Variants in DOP1B observed in about 807,000 individuals in gnomAD.
The protein encoded by DOP1B is protein DOP1B.
Under a neutral mutation model 233.5 loss-of-function variants are expected in DOP1B, and 174 were observed. The observed-to-expected ratio is 0.75, with a 90% CI of 0.66 to 0.85. The LOEUF (loss-of-function observed/expected upper bound fraction) is 0.85, where lower values mean the gene tolerates loss of function less well. DOP1B is among the 40% of genes least tolerant of loss of function. The pLI, the probability that DOP1B is intolerant of heterozygous loss-of-function variation, is 0.00. For synonymous variants in DOP1B, 1,190 were observed against 1,185.6 expected (o/e 1.00, Z -0.08); for missense variants, 2,652 against 2,846.6 (o/e 0.93, Z 1.56).
Position 36,293,905 on chromosome 21 carries a change from C to T in DOP1B, c.*334C>T, listed in dbSNP as rs149320147. 1.4e-3 allele frequency: 351 copies of T among 255,848 alleles called. No individual in the cohort carries two copies. Among genetic ancestry groups the T allele is most frequent in the African/African-American group, 7.4e-3 (333 of 44,730 alleles). 15.8% of individuals were successfully genotyped at this position (255,848 alleles called of 1,614,324 possible). A position where few individuals can be genotyped will look rare whatever the true frequency, so the allele number is the denominator to read the frequency against. On this transcript the variant is annotated 3_prime_UTR_variant, in exon 37 of 37. Coordinates refer to ENST00000691173, the MANE Select transcript of DOP1B (RefSeq NM_001320714.2). ...GCTAAGGCATGAGAATTGCTTGAAC[C>T]CAGGAGGTGGAGGCTGCAGTGAGCC...
chr21:36,283,467 TAC>T (rs2067442390), intron 32 of DOP1B, among the ~76,000 whole-genome samples: 2 of 152,222 alleles, frequency 1.3e-5, no homozygotes, highest in Admixed American at 1.3e-4. Context: ...AAAACACCTT[TAC>T]ACTTTAACTG....
intron 27 of DOP1B, among the ~76,000 whole-genome samples, chr21:36,273,907 C>G (rs910774898): frequency 6.6e-6 from 1 of 152,008 alleles, no homozygotes; most frequent in Non-Finnish European, 1.5e-5. Context: ...AACCCCGTCT[C>G]TACTAAAAAT....
In DOP1B at chr21:36,293,670, A is replaced by G; in HGVS notation, c.*99A>G. 1 of 1,363,790 alleles carries G rather than the reference A, an allele frequency of 7.3e-7. No homozygotes were observed. The highest frequency in any genetic ancestry group is 2.0e-5 in the Admixed American group (1 of 50,520). The allele number at this position is 1,363,790 out of a possible 1,614,324, so 84.5% of individuals were successfully genotyped here. Reference sequence around the variant, plus strand: ...AGAAGGCAGGATAGTGCTTTTGAACAAGCCTATTTCCATTTTGAAAGTAGA... The same window carrying G: ...AGAAGGCAGGATAGTGCTTTTGAACGAGCCTATTTCCATTTTGAAAGTAGA... On this transcript the variant is annotated 3_prime_UTR_variant, in exon 37 of 37. Transcript: ENST00000691173.
intron 2 of DOP1B, among the ~76,000 whole-genome samples, chr21:36,193,144 C>T (rs1171165906): frequency 6.6e-6 from 1 of 152,212 alleles, no homozygotes; most frequent in East Asian, 1.9e-4. Context: ...TAAGTAATAT[C>T]TTTTCCTCAT....
Position 36,222,910 on chromosome 21 carries a change from A to G in DOP1B, c.1251-321A>G, listed in dbSNP as rs1360840363. 3.3e-5 allele frequency among the ~76,000 whole-genome samples: 5 copies of G among 151,826 alleles called. No individual in the cohort carries two copies. In the East Asian group the frequency reaches 7.8e-4, roughly 24 times the overall value. ...GCCATCATGCCCTGCTAATTTTTGT[A>G]TTTTTGTAGAGACAGGGTTTCACCA... On this transcript the variant is annotated intron_variant, in intron 10 of 36. Transcript: ENST00000691173.
chr21:36,208,406 C>T (rs981554989), intron 4 of DOP1B, among the ~76,000 whole-genome samples: 5 of 152,202 alleles, frequency 3.3e-5, no homozygotes, highest in Non-Finnish European at 7.3e-5. Flanking sequence ...CCTAGGCATC[C>T]GTGGCACGGC....
chr21:36,246,551 C>T lies in DOP1B; in HGVS notation c.4571C>T (p.Thr1524Met), dbSNP rs143442760. 11 of 1,614,064 alleles carry T rather than the reference C, an allele frequency of 6.8e-6. No homozygotes were observed. The highest frequency in any genetic ancestry group is 1.6e-4 in the Middle Eastern group (1 of 6,084). Residue 1524 changes from threonine (T) to methionine (M), a missense_variant, in exon 19 of 37, where the codon ACG becomes ATG. Physicochemically the swap from Thr to Met is moderately conservative, Grantham distance 81. Around this residue, in one of 3 missense-constraint regions of DOP1B, gnomAD observed 2,617 missense variants for 2,794.3 expected, o/e 0.94. Coordinates refer to ENST00000691173, the MANE Select transcript of DOP1B (RefSeq NM_001320714.2). The surrounding 1 kb of genome is among the most constrained non-coding windows in gnomAD (Gnocchi z 5.1). Reference protein sequence around the residue: ...GMHPAWVSLVTHSLPYFGKSL... With the variant: ...GMHPAWVSLVMHSLPYFGKSL... ...CATCCGGCCTGGGTGAGCTTGGTCA[C>T]GCATTCCTTGCCCTACTTCGGAAAG...
At position 36,281,575 on chromosome 21, in the gene DOP1B, C is replaced by T. The variant is rs1168903696; in HGVS notation, c.6124C>T (p.Leu2042Phe). The stretch of plus-strand genomic sequence containing the variant: ...GGCTTTTGCTGTCTTCAGTGGAGAA[C>T]TTGATCAATACCACCTTTACCTTCC... ...RQAFAVFSGE[L>F]DQYHLYLPLI... The change falls in exon 32 of 37, where the codon CTT becomes TTT. Residue 2042 changes from leucine to phenylalanine, a missense_variant. By Grantham distance (22) the Leu-to-Phe change is conservative. Transcript: ENST00000691173. 2 of 1,608,002 alleles carry T rather than the reference C, an allele frequency of 1.2e-6. No individual in the cohort carries two copies. The highest frequency in any genetic ancestry group is 2.2e-5 in the South Asian group (2 of 90,796).
Position 36,246,636 on chromosome 21 carries a change from G to T in DOP1B, c.4656G>T (p.Leu1552Phe). The change falls in exon 19 of 37, where the codon TTG becomes TTT. Residue 1552 changes from leucine (L) to phenylalanine (F), a missense_variant. Physicochemically the swap from Leu to Phe is conservative, Grantham distance 22 (BLOSUM62 0). Around this residue, in one of 3 missense-constraint regions of DOP1B, gnomAD observed 2,617 missense variants for 2,794.3 expected, o/e 0.94. Coordinates refer to ENST00000691173, the MANE Select transcript of DOP1B (RefSeq NM_001320714.2). This position sits in a 1 kb window ranked among gnomAD's most constrained non-coding sequence, Gnocchi z 5.1. ...AGATTTGCAAAAACTTGGATGACTTGGTCAAGCAGTATGAAAGCGAATCTG... is the reference window on the plus strand; with the variant it reads ...AGATTTGCAAAAACTTGGATGACTTTGTCAAGCAGTATGAAAGCGAATCTG... Reference protein sequence around the residue: ...VVQICKNLDDLVKQYESESVK... With the variant: ...VVQICKNLDDFVKQYESESVK... 1 of 1,613,968 alleles carries T rather than the reference G, an allele frequency of 6.2e-7. No individual in the cohort carries two copies. Among genetic ancestry groups the T allele is most frequent in the South Asian group, 1.1e-5 (1 of 91,080 alleles).
intron 26 of DOP1B, 73 bp from the exon 27 acceptor site, chr21:36,269,940 C>T (rs2067268406): frequency 6.7e-7 from 1 of 1,487,714 alleles, no homozygotes; most frequent in African/African-American, 1.4e-5. Flanking sequence ...TTCTACTGGA[C>T]AGTGCTGTTT....
chr21:36,250,390 T>C (rs934289770), intron 21 of DOP1B, among the ~76,000 whole-genome samples: 1 of 152,108 alleles, frequency 6.6e-6, no homozygotes, highest in African/African-American at 2.4e-5. Context: ...AGGCAGACAT[T>C]AACTGGCAGT....
intron 12 of DOP1B, among the ~76,000 whole-genome samples, chr21:36,226,296 C>CT (rs80233063): frequency 1.0e-3 from 141 of 137,622 alleles, no homozygotes; most frequent in Non-Finnish European, 1.1e-3. Context: ...CTCTCTCTCT[C>CT]TTTTTTTTTT....
intron 2 of DOP1B, among the ~76,000 whole-genome samples, chr21:36,176,028 G>A (rs943400575): frequency 2.6e-4 from 40 of 151,530 alleles, no homozygotes; most frequent in East Asian, 1.5e-3. Flanking sequence ...AACAGAGGAA[G>A]TGTGATTTCT....
Position 36,289,071 on chromosome 21 carries a change from A to G in DOP1B, c.6380A>G (p.Lys2127Arg), listed in dbSNP as rs1347915047. ...AGCACCAACAAAGTAAACAGAACGAAAGTTTCAGTCCCGGATGCAAATGGA... is the reference window on the plus strand; with the variant it reads ...AGCACCAACAAAGTAAACAGAACGAGAGTTTCAGTCCCGGATGCAAATGGA... ...LRSTNKVNRT[K>R]VSVPDANGPS... Residue 2127 changes from lysine (K) to arginine (R), a missense_variant, in exon 35 of 37, where the codon AAA becomes AGA. Physicochemically the swap from Lys to Arg is conservative, Grantham distance 26. Transcript: ENST00000691173. The G allele has an allele frequency of 1.5e-5, 24 of 1,612,186 alleles. No individual in the cohort carries two copies. Among genetic ancestry groups the G allele is most frequent in the Non-Finnish European group, 2.0e-5 (24 of 1,179,708 alleles).
chr21:36,240,006 C>A (rs774005355), intron 18 of DOP1B, 51 bp downstream of exon 18: 33 of 1,547,404 alleles, frequency 2.1e-5, no homozygotes, highest in Non-Finnish European at 2.8e-5. Context: ...GGTGGGGGGA[C>A]TGGACCTCAG....
At chr21:36,186,982 G>A (rs2835307) in intron 2 of DOP1B, among the ~76,000 whole-genome samples, 21,951 of 151,952 alleles carry the variant, frequency 0.14, 1,848 homozygotes, top group South Asian at 0.21. Context: ...GAGCTCGACC[G>A]GCGGCCAGCA....
chr21:36,216,629 A>G (rs1014114470), intron 9 of DOP1B, among the ~76,000 whole-genome samples: 2 of 152,078 alleles, frequency 1.3e-5, no homozygotes, highest in Admixed American at 1.3e-4. Flanking sequence ...GAAATTTGCT[A>G]CCATATCAGC....
chr21:36,193,066 G>A (rs995691723), intron 2 of DOP1B, among the ~76,000 whole-genome samples: 4 of 152,164 alleles, frequency 2.6e-5, no homozygotes, highest in African/African-American at 7.2e-5. Context: ...GTACTTGGAC[G>A]AGGGCACCGG....
At chr21:36,285,427 C>A (rs2067471014) in intron 32 of DOP1B, among the ~76,000 whole-genome samples, 1 of 152,116 alleles carries the variant, frequency 6.6e-6, no homozygotes, top group African/African-American at 2.4e-5. Flanking sequence ...TCTAAAAATA[C>A]TACGTGTTTT....
Sources: gnomAD v4.1 joint callset for allele counts (sites outside exome capture counted in the v4.1 genomes callset) on GRCh38, gnomAD v4.1.1 for gene constraint, gnomAD v4.1.1 regional missense constraint, Gnocchi (gnomAD v3.1) non-coding constraint, MANE v1.5 for transcripts, NCBI Gene and HGNC (gene_info 2026-07-23, HGNC 2026-07-21) for gene names.